Variants in COL14A1 observed in about 807,000 individuals in gnomAD.
COL14A1 encodes the protein collagen type XIV alpha 1 chain, also known as collagen alpha-1(XIV) chain.
A neutral mutation model predicts 230.3 loss-of-function variants in COL14A1; 136 were observed. The observed-to-expected ratio is 0.59, with a 90% CI of 0.51 to 0.68. COL14A1 has a LOEUF of 0.68. COL14A1 is among the 30% of genes least tolerant of loss of function. COL14A1 has a pLI of 0.00. For synonymous variants in COL14A1, 792 were observed against 784.1 expected (o/e 1.01, Z -0.17); for missense variants, 1,976 against 2,215.8 (o/e 0.89, Z 2.17).
At chr8:120,280,828 T>C in intron 30 of COL14A1, 79 bp downstream of exon 30, 1 of 1,527,014 alleles carries the variant, frequency 6.5e-7, no homozygotes, top group Non-Finnish European at 8.8e-7. Context: ...TGTTTTTGTT[T>C]TTAAATCCTT....
Position 120,212,508 on chromosome 8 carries a change from T to C in COL14A1, c.1528T>C (p.Tyr510His), listed in dbSNP as rs961415649. 1 of 1,613,694 alleles carries C rather than the reference T, an allele frequency of 6.2e-7. No homozygotes were observed. Among genetic ancestry groups the C allele is most frequent in the Non-Finnish European group, 8.5e-7 (1 of 1,179,716 alleles). Residue 510 changes from tyrosine (Y) to histidine (H), a missense_variant, in exon 13 of 48, where the codon TAC becomes CAC. Tyr to His is a moderately conservative substitution (Grantham distance 83). This residue lies in a region of COL14A1 where 1,791 missense variants were observed against 2,019.5 expected (regional missense o/e 0.89). Coordinates refer to ENST00000297848, the MANE Select transcript of COL14A1 (RefSeq NM_021110.4). ...ELSGLLPNTE[Y>H]TVTVYAMFGE... ...GAGTGGGTTGTTGCCCAATACAGAATACACAGTCACAGTTTATGCCATGTT... is the reference window on the plus strand; with the variant it reads ...GAGTGGGTTGTTGCCCAATACAGAACACACAGTCACAGTTTATGCCATGTT...
intron 45 of COL14A1, among the ~76,000 whole-genome samples, chr8:120,347,374 TA>T (rs1366747372): frequency 6.6e-6 from 1 of 152,154 alleles, no homozygotes; most frequent in Non-Finnish European, 1.5e-5. Flanking sequence ...AAGATGACAG[TA>T]AGACAGAAAG....
intron 21 of COL14A1, among the ~76,000 whole-genome samples, chr8:120,250,321 A>G (rs150870045): frequency 6.6e-6 from 1 of 152,334 alleles, no homozygotes; most frequent in African/African-American, 2.4e-5. Context: ...TCAATTGCCT[A>G]TTACAACATA....
intron 4 of COL14A1, among the ~76,000 whole-genome samples, chr8:120,167,231 A>T (rs960396975): frequency 6.6e-6 from 1 of 152,098 alleles, no homozygotes; most frequent in African/African-American, 2.4e-5. Flanking sequence ...GGGGAGGAGG[A>T]TGTGATAAAG....
intron 45 of COL14A1, among the ~76,000 whole-genome samples, chr8:120,361,563 T>A (rs1823217720): frequency 6.6e-6 from 1 of 152,176 alleles, no homozygotes; most frequent in Non-Finnish European, 1.5e-5. Flanking sequence ...AAACATTGAG[T>A]GAAGAACAGA....
At chr8:120,229,783 G>T (rs1244084893) in intron 18 of COL14A1, among the ~76,000 whole-genome samples, 9 of 152,158 alleles carry the variant, frequency 5.9e-5, no homozygotes, top group Non-Finnish European at 8.8e-5. Context: ...GTTGTTTCCT[G>T]ACTTTTTAAT....
At chr8:120,194,785 C>G (rs963814182) in intron 5 of COL14A1, among the ~76,000 whole-genome samples, 4 of 152,152 alleles carry the variant, frequency 2.6e-5, no homozygotes, top group Non-Finnish European at 4.4e-5. Flanking sequence ...AACTACTCTC[C>G]ATTTGAGAGT....
At chr8:120,135,036 G>A (rs775974657) in intron 1 of COL14A1, among the ~76,000 whole-genome samples, 4 of 152,056 alleles carry the variant, frequency 2.6e-5, no homozygotes, top group Admixed American at 6.6e-5. Context: ...AATGACCAAG[G>A]ATATGCTAGA....
intron 8 of COL14A1, among the ~76,000 whole-genome samples, chr8:120,203,255 A>G (rs1335449544): frequency 6.6e-6 from 1 of 151,532 alleles, no homozygotes; most frequent in Non-Finnish European, 1.5e-5. Context: ...CTCACATGAA[A>G]TGTTCCTCTT....
intron 42 of COL14A1, among the ~76,000 whole-genome samples, chr8:120,340,109 AGTGTGTGTGTGT>A (rs10665249): frequency 6.9e-6 from 1 of 143,946 alleles, no homozygotes; most frequent in Non-Finnish European, 1.5e-5. Context: ...TGAGTGAGTG[AGTGTGTGTGTGT>A]GTGTGTGTGT....
At chr8:120,324,810 G>A (rs551614688) in intron 40 of COL14A1, among the ~76,000 whole-genome samples, 146 of 152,272 alleles carry the variant, frequency 9.6e-4, no homozygotes, top group African/African-American at 3.4e-3. Context: ...GTTCTAAGCA[G>A]TATTTCCGCT....
chr8:120,182,359 A>G (rs1378674272), intron 5 of COL14A1, among the ~76,000 whole-genome samples: 1 of 152,160 alleles, frequency 6.6e-6, no homozygotes, highest in Non-Finnish European at 1.5e-5. Flanking sequence ...TCTTGTCTCC[A>G]TACCTGCAGG....
chr8:120,270,174 A>G lies in COL14A1; in HGVS notation c.3213A>G (p.Gln1071=), dbSNP rs1318717459. The change falls in exon 26 of 48, where the codon CAA becomes CAG. Residue 1071 remains glutamine (Q), a splice_region_variant and synonymous_variant. Coordinates refer to ENST00000297848, the MANE Select transcript of COL14A1 (RefSeq NM_021110.4). ...ALNKIGTDGT[Q]VAMVQFTDDP... ...ACAAGATTGGCACAGATGGAACCCA[A>G]GTAAGGCTAATAAATAATTAATTCA... 3 of 1,608,306 alleles carry G rather than the reference A, an allele frequency of 1.9e-6. No individual in the cohort carries two copies. Among genetic ancestry groups the G allele is most frequent in the Non-Finnish European group, 2.5e-6 (3 of 1,177,084 alleles).
intron 1 of COL14A1, among the ~76,000 whole-genome samples, chr8:120,125,924 A>G (rs1233877534): frequency 6.6e-6 from 1 of 152,130 alleles, no homozygotes; most frequent in East Asian, 1.9e-4. Flanking sequence ...AGCTAGGTAG[A>G]GCTCGATGAT....
rs1818168742 is a variant in COL14A1, at chr8:120,228,746, T to A, written c.2174T>A (p.Val725Glu). ...TGGACAGAACCAGCTACAACCATAG[T>A]GCCTACCACATCTGTGACTTCAGGT... ...SFWTEPATTIVPTTSVTSVFQ... is the reference protein window; with the variant it reads ...SFWTEPATTIEPTTSVTSVFQ... Residue 725 changes from valine (V) to glutamate (E), a missense_variant, in exon 18 of 48, where the codon GTG becomes GAG. Physicochemically the swap from Val to Glu is moderately radical, Grantham distance 121. This residue lies in a region of COL14A1 where 1,791 missense variants were observed against 2,019.5 expected (regional missense o/e 0.89). Transcript: ENST00000297848. 1 of 1,613,886 alleles carries A rather than the reference T, an allele frequency of 6.2e-7. No homozygotes were observed. The highest frequency in any genetic ancestry group is 1.1e-5 in the South Asian group (1 of 91,076).
At chr8:120,307,430 T>C (rs563854259) in intron 36 of COL14A1, among the ~76,000 whole-genome samples, 64 of 152,270 alleles carry the variant, frequency 4.2e-4, no homozygotes, top group African/African-American at 1.5e-3. Flanking sequence ...CAAATAAAAA[T>C]ATATATAACA....
chr8:120,209,686 C>T, intron 11 of COL14A1, 70 bp from the exon 12 acceptor site: 1 of 1,447,756 alleles, frequency 6.9e-7, no homozygotes, highest in Non-Finnish European at 9.3e-7. Flanking sequence ...AATCTTATTT[C>T]TTGATAATTT....
chr8:120,290,460 G>A (rs1020923482), intron 34 of COL14A1, among the ~76,000 whole-genome samples: 1 of 152,152 alleles, frequency 6.6e-6, no homozygotes, highest in Admixed American at 6.5e-5. Context: ...CTAATTAGCA[G>A]CATTCTCTAA....
chr8:120,180,807 A>G (rs1816439940), intron 5 of COL14A1, among the ~76,000 whole-genome samples: 1 of 144,328 alleles, frequency 6.9e-6, no homozygotes, highest in Non-Finnish European at 1.5e-5. Context: ...TCCTGAGTTC[A>G]ACAGATTCTC....
Sources: allele counts gnomAD v4.1 joint callset (sites outside exome capture counted in the v4.1 genomes callset), GRCh38; gene constraint gnomAD v4.1.1; regional missense constraint gnomAD v4.1.1; transcripts MANE v1.5; gene names NCBI Gene and HGNC (gene_info 2026-07-23, HGNC 2026-07-21).